DEPTOR: variants seen among roughly 807,000 people sequenced by gnomAD.
The protein encoded by DEPTOR is DEP domain containing MTOR interacting protein.
A neutral mutation model predicts 41.6 loss-of-function variants in DEPTOR; 41 were observed. That is an observed-to-expected ratio of 0.98 (90% CI 0.77 to 1.28). The LOEUF is 1.28. DEPTOR is among the 50% of genes most tolerant of loss of function. The pLI is 0.00. For missense variants in DEPTOR, 514 were observed against 527.9 expected, an observed-to-expected ratio of 0.97 and a Z score of 0.26; for synonymous variants, 195 against 192.3, an observed-to-expected ratio of 1.01 and a Z score of -0.12.
At chr8:119,971,859 A>ACAACC in intron 4 of DEPTOR, among the ~76,000 whole-genome samples, 1 of 152,182 alleles carries the variant, frequency 6.6e-6, no homozygotes, top group East Asian at 1.9e-4. Flanking sequence ...TCAGCCAGCC[A>ACAACC]CAACCAGCAA....
chr8:119,963,941 G>A lies in DEPTOR; in HGVS notation c.426-1291G>A, dbSNP rs117563933. 2.1e-3 allele frequency among the ~76,000 whole-genome samples: 322 copies of A among 152,244 alleles called. 2 individuals are homozygous for A. The highest frequency in any genetic ancestry group is 5.0e-3 in the Admixed American group (76 of 15,290). ...TAAACAACAAACATTTGTTTGGGAGGTCCAAGATCAAGGTGCCAGCAGATC... is the reference window on the plus strand; with the variant it reads ...TAAACAACAAACATTTGTTTGGGAGATCCAAGATCAAGGTGCCAGCAGATC... On this transcript the variant is annotated intron_variant, in intron 3 of 8. Transcript: ENST00000286234.
Position 120,000,082 on chromosome 8 carries a change from C to T in DEPTOR, c.605-1443C>T, listed in dbSNP as rs541743290. Among the ~76,000 whole-genome samples the T allele has an allele frequency of 6.2e-4, 94 of 152,250 alleles. 1 individual carries two copies. Among genetic ancestry groups the T allele is most frequent in the African/African-American group, 2.1e-3 (87 of 41,540 alleles). On this transcript the variant is annotated intron_variant, in intron 4 of 8. Coordinates refer to ENST00000286234, the MANE Select transcript of DEPTOR (RefSeq NM_022783.4). The stretch of plus-strand genomic sequence containing the variant: ...TGTAAGGGGTTACCATTGGGAAAAT[C>T]TGGGTGAAGGGTACCCAGGAACTCT...
intron 1 of DEPTOR, chr8:119,874,218 C>G: frequency 1.8e-6 from 1 of 544,244 alleles, no homozygotes; most frequent in Middle Eastern, 5.0e-4. Context: ...TGCGCCCTAG[C>G]CTGGCTGCTG....
Position 119,982,965 on chromosome 8 carries a change from G to C in DEPTOR, c.604+17555G>C, listed in dbSNP as rs560616929. Among the ~76,000 whole-genome samples, 4 of 152,298 alleles carry C rather than the reference G, an allele frequency of 2.6e-5. No individual in the cohort carries two copies. The East Asian group carries it at 7.7e-4, about 29-fold the overall frequency. ...TCTTAAGGAGGAAGAAAGAGAGATT[G>C]GGTTTGAATAAGCAGCTGGCACTGT... On this transcript the variant is annotated intron_variant, in intron 4 of 8. Coordinates refer to ENST00000286234, the MANE Select transcript of DEPTOR (RefSeq NM_022783.4).
chr8:119,993,163 A>G (rs1006734327), intron 4 of DEPTOR, among the ~76,000 whole-genome samples: 2 of 152,188 alleles, frequency 1.3e-5, no homozygotes, highest in African/African-American at 4.8e-5. Flanking sequence ...AGAAGAATAT[A>G]TCTGTACCAT....
At chr8:119,977,562 A>G (rs554482981) in intron 4 of DEPTOR, among the ~76,000 whole-genome samples, 4 of 152,244 alleles carry the variant, frequency 2.6e-5, no homozygotes, top group Admixed American at 6.5e-5. Flanking sequence ...GTTACTTTCT[A>G]TTGTAGCTGA....
intron 3 of DEPTOR, among the ~76,000 whole-genome samples, chr8:119,952,270 T>C (rs1425316154): frequency 2.6e-5 from 4 of 152,168 alleles, no homozygotes; most frequent in Admixed American, 6.6e-5. Context: ...AATCTGTCCA[T>C]TTAAAATAGT....
At position 120,002,962 on chromosome 8, in the gene DEPTOR, C is replaced by T; in HGVS notation, c.791-15C>T. ...CACCCCCTTGGTGACTGTGTGTGTT[C>T]TCTGGCCTACACAGTGAGCCCCAGC... On this transcript the variant is annotated splice_polypyrimidine_tract_variant and intron_variant, in intron 5 of 8. Transcript: ENST00000286234. The T allele has an allele frequency of 6.4e-7, 1 of 1,553,630 alleles. No homozygotes were observed. The highest frequency in any genetic ancestry group is 8.7e-7 in the Non-Finnish European group (1 of 1,148,542).
chr8:119,914,597 G>A (rs1182587730), intron 1 of DEPTOR, among the ~76,000 whole-genome samples: 3 of 151,494 alleles, frequency 2.0e-5, no homozygotes, highest in Non-Finnish European at 2.9e-5. Flanking sequence ...TTGCCACCAC[G>A]CCAGGCTAAT....
chr8:119,908,110 G>A (rs118047905), intron 1 of DEPTOR, among the ~76,000 whole-genome samples: 338 of 152,226 alleles, frequency 2.2e-3, no homozygotes, highest in Non-Finnish European at 3.5e-3. Flanking sequence ...GAAGGAGTCC[G>A]GAGATCAAAC....
intron 4 of DEPTOR, among the ~76,000 whole-genome samples, chr8:119,993,121 G>A (rs1812201549): frequency 6.6e-6 from 1 of 152,040 alleles, no homozygotes. Flanking sequence ...TAATATATAA[G>A]GGAGGAAAAT....
chr8:119,908,715 G>A (rs1277149826), intron 1 of DEPTOR, among the ~76,000 whole-genome samples: 1 of 152,010 alleles, frequency 6.6e-6, no homozygotes, highest in Non-Finnish European at 1.5e-5. Flanking sequence ...TGGCCAGGCT[G>A]CTTGCAGCTC....
chr8:119,970,023 G>A (rs1450307891), intron 4 of DEPTOR, among the ~76,000 whole-genome samples: 1 of 152,176 alleles, frequency 6.6e-6, no homozygotes, highest in East Asian at 1.9e-4. Flanking sequence ...ATCCTAACTA[G>A]CTTCATCTAT....
At chr8:120,030,502 T>TTTTTTTG (rs1812873171) in intron 8 of DEPTOR, among the ~76,000 whole-genome samples, 1 of 111,268 alleles carries the variant, frequency 9.0e-6, no homozygotes. Flanking sequence ...CATCAGTTTT[T>TTTTTTTG]TTTTTTTTTT....
chr8:120,050,459 T>C lies in DEPTOR; in HGVS notation c.*755T>C, dbSNP rs1289160343. ...CTTTCTAGAATTAATCCTGAATATG[T>C]TGAATGTTAAAATAGAGAAGTTTGT... is the stretch of plus-strand genomic sequence containing the variant. On this transcript the variant is annotated 3_prime_UTR_variant, in exon 9 of 9. Coordinates refer to ENST00000286234, the MANE Select transcript of DEPTOR (RefSeq NM_022783.4). The C allele has an allele frequency of 6.6e-6, 1 of 152,216 alleles. No homozygotes were observed. The highest frequency in any genetic ancestry group is 1.5e-5 in the Non-Finnish European group (1 of 68,034). The allele number at this position is 152,216 out of a possible 1,614,324, so 9.4% of individuals were successfully genotyped here.
chr8:119,951,369 C>T (rs372321608), intron 3 of DEPTOR, among the ~76,000 whole-genome samples: 5 of 152,070 alleles, frequency 3.3e-5, no homozygotes, highest in African/African-American at 1.2e-4. Context: ...GGTTTCTCTC[C>T]TTCTTATATA....
intron 8 of DEPTOR, among the ~76,000 whole-genome samples, chr8:120,011,633 T>C (rs941554405): frequency 1.3e-5 from 2 of 152,226 alleles, no homozygotes; most frequent in Non-Finnish European, 2.9e-5. Context: ...GCAATGAATT[T>C]ATTTACATTG....
chr8:120,030,497 G>GTTTTTT (rs1171655489), intron 8 of DEPTOR, among the ~76,000 whole-genome samples: 10,939 of 45,996 alleles, frequency 0.24, 3,306 homozygotes, highest in East Asian at 0.29. Context: ...AGGTTCATCA[G>GTTTTTT]TTTTTTTTTT....
intron 4 of DEPTOR, among the ~76,000 whole-genome samples, chr8:119,972,392 G>A (rs1456435094): frequency 6.6e-6 from 1 of 152,146 alleles, no homozygotes; most frequent in East Asian, 1.9e-4. Context: ...GGAGGCTGAG[G>A]CAGACGGATC....
Sources: allele counts gnomAD v4.1 joint callset (sites outside exome capture counted in the v4.1 genomes callset), GRCh38; gene constraint gnomAD v4.1.1; transcripts MANE v1.5; gene names NCBI Gene and HGNC (gene_info 2026-07-23, HGNC 2026-07-21).